The following IQCM variants were observed in gnomAD, a reference collection of about 807,000 sequenced individuals.
IQCM encodes IQ motif containing M, also known as IQ domain-containing protein M.
IQCM carries 45 observed loss-of-function variants against 57.6 expected under a neutral mutation model. That is an observed-to-expected ratio of 0.78 (90% confidence interval 0.62 to 1.00). IQCM has a LOEUF of 1.00. Among genes scored for constraint, IQCM ranks in the 50% least tolerant of loss-of-function variants. The probability of loss-of-function intolerance (pLI) is 0.00; values close to 1 mark genes in which losing one functional copy is unlikely to be tolerated. For synonymous variants in IQCM, 148 were observed against 158.9 expected, an observed-to-expected ratio of 0.93 and a Z score of 0.51; for missense variants, 468 against 511.6, an observed-to-expected ratio of 0.91 and a Z score of 0.82.
intron 12 of IQCM, among the ~76,000 whole-genome samples, chr4:149,536,649 A>T (rs1162043438): frequency 6.6e-6 from 1 of 151,966 alleles, no homozygotes; most frequent in Non-Finnish European, 1.5e-5. Context: ...GAGAGTCTGA[A>T]ATATTTGAAC....
chr4:149,722,858 C>T (rs1765569680), intron 5 of IQCM, among the ~76,000 whole-genome samples: 1 of 151,912 alleles, frequency 6.6e-6, no homozygotes, highest in Admixed American at 6.6e-5. Flanking sequence ...ATCAGAATTG[C>T]ATTGAGTCTG....
chr4:149,787,624 T>C (rs1156490629), intron 2 of IQCM, among the ~76,000 whole-genome samples: 1 of 152,016 alleles, frequency 6.6e-6, no homozygotes, highest in Non-Finnish European at 1.5e-5. Flanking sequence ...GCTATGAAAA[T>C]TGGATATCCA....
chr4:149,555,545 T>A (rs533183729), intron 10 of IQCM, among the ~76,000 whole-genome samples: 2 of 152,236 alleles, frequency 1.3e-5, no homozygotes, highest in African/African-American at 4.8e-5. Context: ...GGATTCAGTG[T>A]CTGCATCAAA....
chr4:149,803,094 G>A (rs1773752934), intron 2 of IQCM, among the ~76,000 whole-genome samples: 1 of 151,814 alleles, frequency 6.6e-6, no homozygotes, highest in Non-Finnish European at 1.5e-5. Context: ...GTAAACAATG[G>A]AACTGAGGTT....
At chr4:149,521,416 C>T (rs977373978) in intron 12 of IQCM, among the ~76,000 whole-genome samples, 1 of 152,172 alleles carries the variant, frequency 6.6e-6, no homozygotes, top group Non-Finnish European at 1.5e-5. Flanking sequence ...TACCTACTCA[C>T]AATTTCCATA....
At chr4:149,679,440 A>G (rs1156675083) in intron 7 of IQCM, among the ~76,000 whole-genome samples, 2 of 151,566 alleles carry the variant, frequency 1.3e-5, no homozygotes, top group African/African-American at 4.8e-5. Flanking sequence ...AATAAGACCT[A>G]GTGTTAGATA....
intron 13 of IQCM, among the ~76,000 whole-genome samples, chr4:149,370,586 CA>C (rs375741504): frequency 0.01 from 1,557 of 152,110 alleles, 11 homozygotes; most frequent in South Asian, 0.042. Context: ...TACACACACA[CA>C]CACACCCTTA....
intron 5 of IQCM, among the ~76,000 whole-genome samples, chr4:149,687,567 A>C (rs1762636075): frequency 6.6e-6 from 1 of 151,728 alleles, no homozygotes; most frequent in Non-Finnish European, 1.5e-5. Flanking sequence ...CTACTCCACA[A>C]AATAGAGAAA....
intron 2 of IQCM, among the ~76,000 whole-genome samples, chr4:149,772,118 A>G (rs1299724541): frequency 6.6e-6 from 1 of 152,116 alleles, no homozygotes; most frequent in African/African-American, 2.4e-5. Context: ...TCCTTCAAGA[A>G]ATTTCTGCAA....
In IQCM at chr4:149,735,358, T is replaced by G; in HGVS notation, c.120+18A>C. 8.4e-7 allele frequency: 1 copy of G among 1,196,990 alleles called. No homozygotes were observed. The highest frequency in any genetic ancestry group is 1.0e-6 in the Non-Finnish European group (1 of 956,082). The allele number at this position is 1,196,990 out of a possible 1,614,324, so 74.1% of individuals were successfully genotyped here. On this transcript the variant is annotated intron_variant, in intron 4 of 13. Coordinates refer to ENST00000636793, the MANE Select transcript of IQCM (RefSeq NM_001363507.2). The stretch of plus-strand genomic sequence containing the variant: ...AAAAATTTTAAAATGTAACATTAGA[T>G]AAATGCAAAGGACTAACCTCATTTA...
intron 13 of IQCM, among the ~76,000 whole-genome samples, chr4:149,375,009 T>TGTGA (rs55772693): frequency 0.025 from 3,776 of 151,126 alleles, 151 homozygotes; most frequent in Admixed American, 0.1. Context: ...TGTGTGTGTG[T>TGTGA]GATGTTCTTT....
intron 2 of IQCM, among the ~76,000 whole-genome samples, chr4:149,810,703 G>A (rs983518535): frequency 1.3e-5 from 2 of 152,050 alleles, no homozygotes; most frequent in African/African-American, 4.8e-5. Flanking sequence ...GCCCACCTCA[G>A]CCTCCCAAAT....
At chr4:149,703,208 C>G (rs369814514) in intron 5 of IQCM, among the ~76,000 whole-genome samples, 121 of 152,026 alleles carry the variant, frequency 8.0e-4, no homozygotes, top group African/African-American at 2.7e-3. Context: ...CATACAACTT[C>G]TTTAGTACAA....
In IQCM at chr4:149,351,939, A is replaced by G. The variant is rs1728615882; in HGVS notation, c.*12T>C. On this transcript the variant is annotated 3_prime_UTR_variant, in exon 14 of 14. Coordinates refer to ENST00000636793, the MANE Select transcript of IQCM (RefSeq NM_001363507.2). ...AAGTTTAACTATTACAGGTAATAAT[A>G]TGTTGGAAACATCATTCAACTTTAC... is the stretch of plus-strand genomic sequence containing the variant. 2.5e-6 allele frequency: 1 copy of G among 398,928 alleles called. No homozygotes were observed. Among genetic ancestry groups the G allele is most frequent in the Non-Finnish European group, 4.4e-6 (1 of 225,988 alleles). 24.7% of individuals were successfully genotyped at this position (398,928 alleles called of 1,614,324 possible). A position where few individuals can be genotyped will look rare whatever the true frequency, so the allele number is the denominator to read the frequency against.
intron 11 of IQCM, among the ~76,000 whole-genome samples, chr4:149,551,752 A>G (rs1003323393): frequency 5.9e-5 from 9 of 152,150 alleles, no homozygotes; most frequent in African/African-American, 2.2e-4. Flanking sequence ...TGAATTTTCT[A>G]CTAGTGGTAT....
intron 8 of IQCM, among the ~76,000 whole-genome samples, chr4:149,602,359 CTG>C (rs549920956): frequency 5.8e-4 from 88 of 152,094 alleles, no homozygotes; most frequent in Non-Finnish European, 1.2e-3. Flanking sequence ...AGTGAGATAA[CTG>C]TATTCATTAC....
At chr4:149,369,406 A>T (rs966757695) in intron 13 of IQCM, among the ~76,000 whole-genome samples, 9 of 152,078 alleles carry the variant, frequency 5.9e-5, no homozygotes, top group African/African-American at 2.2e-4. Flanking sequence ...ATATGAGATT[A>T]ACATAAGGAA....
chr4:149,760,808 A>T (rs1467239648), intron 2 of IQCM, among the ~76,000 whole-genome samples: 1 of 151,982 alleles, frequency 6.6e-6, no homozygotes, highest in East Asian at 1.9e-4. Flanking sequence ...CTTAGTATTT[A>T]CTCTTAGTAT....
intron 13 of IQCM, among the ~76,000 whole-genome samples, chr4:149,362,902 A>C (rs995605897): frequency 3.4e-4 from 52 of 152,196 alleles, no homozygotes; most frequent in African/African-American, 1.2e-3. Flanking sequence ...TGAGTATTTC[A>C]GTCTTGTTCC....
Sources: gnomAD v4.1 joint callset for allele counts (sites outside exome capture counted in the v4.1 genomes callset) on GRCh38, gnomAD v4.1.1 for gene constraint, MANE v1.5 for transcripts, NCBI Gene and HGNC (gene_info 2026-07-23, HGNC 2026-07-21) for gene names.